Variants in NR5A2 observed in about 807,000 individuals in gnomAD.
The protein encoded by NR5A2 is nuclear receptor subfamily 5 group A member 2.
NR5A2 carries 26 observed loss-of-function variants against 62.7 expected under a neutral mutation model. That is an observed-to-expected ratio of 0.41 (90% CI 0.30 to 0.58). The LOEUF (loss-of-function observed/expected upper bound fraction) is 0.58, where lower values mean the gene tolerates loss of function less well. Among genes scored for constraint, NR5A2 ranks in the 20% least tolerant of loss-of-function variants. NR5A2 has a pLI of 0.22. For missense variants in NR5A2, 541 were observed against 669.1 expected (o/e 0.81, Z 2.11); for synonymous variants, 246 against 241.7 (o/e 1.02, Z -0.16).
At chr1:200,074,706 C>T (rs1428391114) in intron 5 of NR5A2, among the ~76,000 whole-genome samples, 1 of 117,858 alleles carries the variant, frequency 8.5e-6, no homozygotes, top group Non-Finnish European at 1.7e-5. Context: ...CACTGCACTC[C>T]AGTCTGGGCG....
chr1:200,052,262 A>G (rs915111916), intron 5 of NR5A2, among the ~76,000 whole-genome samples: 1 of 152,202 alleles, frequency 6.6e-6, no homozygotes, highest in African/African-American at 2.4e-5. Flanking sequence ...TTTGAAACCC[A>G]CAGCCTGAGT....
chr1:200,052,028 AT>A (rs1662658478), intron 5 of NR5A2, among the ~76,000 whole-genome samples: 1 of 152,180 alleles, frequency 6.6e-6, no homozygotes, highest in Non-Finnish European at 1.5e-5. Flanking sequence ...TTTTCTATCT[AT>A]TCTACTTTAG....
At chr1:200,033,565 T>A (rs1306388214) in intron 1 of NR5A2, among the ~76,000 whole-genome samples, 1 of 152,090 alleles carries the variant, frequency 6.6e-6, no homozygotes, top group Non-Finnish European at 1.5e-5. Context: ...CTCCACCTGC[T>A]CCAGCGGCCT....
chr1:200,042,874 C>A, intron 2 of NR5A2: 3 of 985,522 alleles, frequency 3.0e-6, no homozygotes, highest in Non-Finnish European at 3.6e-6. Flanking sequence ...GGTCTGCGTC[C>A]GGAGCAAGGC....
chr1:200,062,214 T>C (rs1663254781), intron 5 of NR5A2, among the ~76,000 whole-genome samples: 1 of 147,004 alleles, frequency 6.8e-6, no homozygotes. Context: ...CAAATAATTC[T>C]CCCTGGCAGA....
chr1:200,030,262 T>C (rs575541533), intron 1 of NR5A2, among the ~76,000 whole-genome samples: 2 of 152,292 alleles, frequency 1.3e-5, no homozygotes, highest in East Asian at 1.9e-4. Flanking sequence ...TTCAGTTGTG[T>C]TGTACTAGGA....
At chr1:200,105,265 T>A (rs1205880085) in intron 5 of NR5A2, among the ~76,000 whole-genome samples, 1 of 152,020 alleles carries the variant, frequency 6.6e-6, no homozygotes, top group African/African-American at 2.4e-5. Context: ...CCCAGCCTCA[T>A]TTTTTTCCCT....
chr1:200,123,439 G>T (rs1666564268), intron 7 of NR5A2, among the ~76,000 whole-genome samples: 1 of 152,186 alleles, frequency 6.6e-6, no homozygotes, highest in Non-Finnish European at 1.5e-5. Flanking sequence ...AGCAGATGTG[G>T]CTGGAGACAT....
chr1:200,038,848 G>A, intron 1 of NR5A2: 1 of 990,058 alleles, frequency 1.0e-6, no homozygotes, highest in Non-Finnish European at 1.3e-6. Flanking sequence ...GGGTGAAGAG[G>A]TTGGGGCAGG....
At chr1:200,055,929 A>G (rs936981151) in intron 5 of NR5A2, among the ~76,000 whole-genome samples, 8 of 152,158 alleles carry the variant, frequency 5.3e-5, no homozygotes, top group African/African-American at 1.7e-4. Context: ...TCTTCCGCTG[A>G]AGGTAGATAT....
Position 200,103,122 on chromosome 1 carries a change from C to CTTTTTT in NR5A2, c.1111-8066_1111-8061dup, listed in dbSNP as rs10655211. On this transcript the variant is annotated intron_variant, in intron 5 of 7. Coordinates refer to ENST00000367362, the MANE Select transcript of NR5A2 (RefSeq NM_205860.3). ...TAAATGAGTTCATGCATGTAAAACTCTTTTTTTTTTTTTTTTTTTGAGTTG... is the reference window on the plus strand; with the variant it reads ...TAAATGAGTTCATGCATGTAAAACTCTTTTTTTTTTTTTTTTTTTTTTTTTGAGTTG... Among the ~76,000 whole-genome samples, 458 of 106,596 alleles carry CTTTTTT rather than the reference C, an allele frequency of 4.3e-3. 14 individuals are homozygous for CTTTTTT. Among genetic ancestry groups the CTTTTTT allele is most frequent in the Non-Finnish European group, 6.5e-3 (357 of 54,816 alleles). The allele number at this position is 106,596 out of a possible 152,430, so 69.9% of individuals were successfully genotyped here. A position where few individuals can be genotyped will look rare whatever the true frequency, so the allele number is the denominator to read the frequency against.
rs1020020580 is a variant in NR5A2, at chr1:200,087,190, C to T, written c.1111-24012C>T. Among the ~76,000 whole-genome samples the T allele has an allele frequency of 4.7e-4, 72 of 151,880 alleles. 1 individual carries two copies. The highest frequency in any genetic ancestry group is 7.4e-5 in the Non-Finnish European group (5 of 67,974). On this transcript the variant is annotated intron_variant, in intron 5 of 7. Transcript: ENST00000367362. ...TGCATACTCTTCCTCTTCCAATATTCATACATCCACAAATGTCCCTCTCCC... is the reference window on the plus strand; with the variant it reads ...TGCATACTCTTCCTCTTCCAATATTTATACATCCACAAATGTCCCTCTCCC...
Position 200,147,748 on chromosome 1 carries a change from ACGCGGATGCCGGCGCGAATGCCGG to A in NR5A2, c.1379-26213_1379-26190del. 1.8e-6 allele frequency: 1 copy of A among 547,800 alleles called. No homozygotes were observed. Among genetic ancestry groups the A allele is most frequent in the South Asian group, 1.8e-5 (1 of 54,082 alleles). 33.9% of individuals were successfully genotyped at this position (547,800 alleles called of 1,614,324 possible). On this transcript the variant is annotated intron_variant, in intron 7 of 7. Coordinates refer to ENST00000367362, the MANE Select transcript of NR5A2 (RefSeq NM_205860.3). This position sits in a 1 kb window ranked among gnomAD's most constrained non-coding sequence, Gnocchi z 4.9. ...CGCCTCTCCCACGTCCACGGTGAAG[ACGCGGATGCCGGCGCGAATGCCGG>A]CACGGATGCCGGCACGGTGGGCAGC... is the stretch of plus-strand genomic sequence containing the variant.
chr1:200,173,752 T>G (rs1373211399), intron 7 of NR5A2, among the ~76,000 whole-genome samples: 2 of 152,192 alleles, frequency 1.3e-5, no homozygotes, highest in Non-Finnish European at 2.9e-5. Context: ...TTGAGGTATA[T>G]GCAGAATTTC....
At chr1:200,090,860 C>A (rs1383547727) in intron 5 of NR5A2, among the ~76,000 whole-genome samples, 1 of 152,208 alleles carries the variant, frequency 6.6e-6, no homozygotes, top group Non-Finnish European at 1.5e-5. Context: ...CCCTCCCTAA[C>A]ACACACTCAC....
intron 2 of NR5A2, among the ~76,000 whole-genome samples, chr1:200,041,110 C>T (rs1362359752): frequency 6.6e-6 from 1 of 152,124 alleles, no homozygotes; most frequent in African/African-American, 2.4e-5. Flanking sequence ...GGACCTCAGC[C>T]GGCAGCTCCG....
At chr1:200,108,043 G>A (rs181964573) in intron 5 of NR5A2, among the ~76,000 whole-genome samples, 43 of 151,570 alleles carry the variant, frequency 2.8e-4, no homozygotes, top group Non-Finnish European at 3.7e-4. Context: ...TGCAAATGAA[G>A]AGGAAGACCC....
chr1:200,176,780 G>C lies in NR5A2; in HGVS notation c.*2570G>C, dbSNP rs1209981679. ...AGCCTCCCCCATAGCTGGGACTAGG[G>C]GTGCATGCCAGCATACCTGGCTACG... On this transcript the variant is annotated 3_prime_UTR_variant, in exon 8 of 8. Coordinates refer to ENST00000367362, the MANE Select transcript of NR5A2 (RefSeq NM_205860.3). 6.6e-6 allele frequency: 1 copy of C among 152,064 alleles called. No homozygotes were observed. Among genetic ancestry groups the C allele is most frequent in the African/African-American group, 2.4e-5 (1 of 41,394 alleles). 9.4% of individuals were successfully genotyped at this position (152,064 alleles called of 1,614,324 possible).
intron 7 of NR5A2, among the ~76,000 whole-genome samples, chr1:200,133,421 C>A (rs6688544): frequency 1.5e-4 from 22 of 150,790 alleles, no homozygotes; most frequent in African/African-American, 5.1e-4. Context: ...TGCCTAATCC[C>A]TCAGCAGGAA....
Sources: gnomAD v4.1 joint callset for allele counts (sites outside exome capture counted in the v4.1 genomes callset) on GRCh38, gnomAD v4.1.1 for gene constraint, Gnocchi (gnomAD v3.1) non-coding constraint, MANE v1.5 for transcripts, NCBI Gene and HGNC (gene_info 2026-07-23, HGNC 2026-07-21) for gene names.